The following PTGER4 variants were observed in gnomAD, a reference collection of about 807,000 sequenced individuals.
PTGER4 encodes the protein prostaglandin E receptor 4.
A neutral mutation model predicts 33.2 loss-of-function variants in PTGER4; 11 were observed. The ratio of observed to expected loss-of-function variants is 0.33; its 90% CI spans 0.21 to 0.55. PTGER4 has a LOEUF of 0.55. Ranked by LOEUF, PTGER4 falls within the 20% of genes least tolerant of loss-of-function variation. PTGER4 has a pLI of 0.92. For missense variants in PTGER4, 481 were observed against 650.2 expected, an observed-to-expected ratio of 0.74 and a Z score of 2.83; for synonymous variants, 275 against 281.5, an observed-to-expected ratio of 0.98 and a Z score of 0.23.
intron 2 of PTGER4, among the ~76,000 whole-genome samples, chr5:40,686,018 A>C (rs766315893): frequency 2.6e-5 from 4 of 152,208 alleles, no homozygotes; most frequent in Non-Finnish European, 5.9e-5. Flanking sequence ...GCCTTCTACA[A>C]ATGGCCAGAA....
the PTGER4 span, among the ~76,000 whole-genome samples, chr5:40,739,133 C>T: frequency 6.6e-6 from 1 of 152,112 alleles, no homozygotes; most frequent in Admixed American, 6.6e-5. Flanking sequence ...TACACTAGTA[C>T]TATAAAGGTA....
rs776057291 is a variant in PTGER4 at position 40,691,781 on chromosome 5, G to A, written c.870G>A (p.Val290=). Residue 290 remains valine, a splice_region_variant and synonymous_variant, in exon 3 of 3, where the codon GTG becomes GTA. Transcript: ENST00000302472. This position sits in a 1 kb window ranked among gnomAD's most constrained non-coding sequence, Gnocchi z 4.2. The stretch of plus-strand genomic sequence containing the variant: ...AATGTGCGATCTCACTTATGCAGGT[G>A]CGAGTATTCGTCAACCAGTTATATC... ...VVLICSIPLV[V]RVFVNQLYQP... 6.2e-7 allele frequency: 1 copy of A among 1,612,226 alleles called. No individual in the cohort carries two copies. Among genetic ancestry groups the A allele is most frequent in the Admixed American group, 1.7e-5 (1 of 59,794 alleles).
chr5:40,728,503 C>G, the PTGER4 span: 1 of 1,570,126 alleles, frequency 6.4e-7, no homozygotes, highest in Non-Finnish European at 8.6e-7. Context: ...ACCAAAAAAT[C>G]TGTCAGTAAT....
the PTGER4 span, among the ~76,000 whole-genome samples, chr5:40,709,296 A>C: frequency 1.3e-5 from 2 of 152,132 alleles, no homozygotes; most frequent in Admixed American, 6.6e-5. Flanking sequence ...ATCGTCTCAG[A>C]TCAAAATCTC....
chr5:40,741,400 T>C, the PTGER4 span, among the ~76,000 whole-genome samples: 3 of 152,214 alleles, frequency 2.0e-5, no homozygotes, highest in African/African-American at 7.2e-5. Context: ...CTCCGCTCTG[T>C]ATGAACGCTA....
chr5:40,680,355 A>C lies in PTGER4; in HGVS notation c.-167A>C, dbSNP rs1372900638. On this transcript the variant is annotated 5_prime_UTR_variant, in exon 1 of 3. Transcript: ENST00000302472. This position sits in a 1 kb window ranked among gnomAD's most constrained non-coding sequence, Gnocchi z 5.5. ...ACAGCCACTGAGACCGGCTTTGAGAAGCCGAAGATTTGGCAGTTTCCAGAC... is the reference window on the plus strand; with the variant it reads ...ACAGCCACTGAGACCGGCTTTGAGACGCCGAAGATTTGGCAGTTTCCAGAC... The C allele has an allele frequency of 6.6e-6, 1 of 152,572 alleles. No individual in the cohort carries two copies. The highest frequency in any genetic ancestry group is 1.5e-5 in the Non-Finnish European group (1 of 68,196). The allele number at this position is 152,572 out of a possible 1,614,324, so 9.5% of individuals were successfully genotyped here.
At position 40,693,058 on chromosome 5, in the gene PTGER4, G is replaced by A; in HGVS notation, c.*680G>A. 1.1e-6 allele frequency: 1 copy of A among 912,368 alleles called. No individual in the cohort carries two copies. The highest frequency in any genetic ancestry group is 5.6e-4 in the Middle Eastern group (1 of 1,774). 56.5% of individuals were successfully genotyped at this position (912,368 alleles called of 1,614,324 possible). Reference sequence around the variant, plus strand: ...AGAAAGAATTTAGTATTATCAAAGGGATAAAGAAAAAAATACTATTTAAGA... The same window carrying A: ...AGAAAGAATTTAGTATTATCAAAGGAATAAAGAAAAAAATACTATTTAAGA... On this transcript the variant is annotated 3_prime_UTR_variant, in exon 3 of 3. Transcript: ENST00000302472.
intron 2 of PTGER4, among the ~76,000 whole-genome samples, chr5:40,684,133 CCCA>C (rs1741270594): frequency 8.0e-6 from 1 of 124,914 alleles, no homozygotes; most frequent in Non-Finnish European, 1.6e-5. Flanking sequence ...CACCCCCCCC[CCCA>C]CAATTCAGCA....
At chr5:40,699,012 C>G in the PTGER4 span, among the ~76,000 whole-genome samples, 4 of 152,068 alleles carry the variant, frequency 2.6e-5, no homozygotes, top group East Asian at 1.9e-4. Flanking sequence ...CCATGGCCAC[C>G]CATGATGTAT....
At chr5:40,717,330 A>G in the PTGER4 span, among the ~76,000 whole-genome samples, 2 of 152,196 alleles carry the variant, frequency 1.3e-5, no homozygotes, top group Non-Finnish European at 2.9e-5. Flanking sequence ...ATTTTAGAGA[A>G]GCACAGAAAG....
chr5:40,697,094 GAGA>G (rs757629252), downstream of PTGER4, among the ~76,000 whole-genome samples: 8,537 of 67,756 alleles, frequency 0.13, 505 homozygotes, highest in Non-Finnish European at 0.16. Context: ...AGGAAAGAAA[GAGA>G]AAAGAAAGAA....
At chr5:40,697,298 A>AAAG (rs1561134578), downstream of PTGER4, among the ~76,000 whole-genome samples, 5 of 138,692 alleles carry the variant, frequency 3.6e-5, no homozygotes, top group South Asian at 1.1e-3. Context: ...AAGAAAGAAA[A>AAAG]AGAAAGGCCA....
the PTGER4 span, among the ~76,000 whole-genome samples, chr5:40,732,415 G>A: frequency 6.6e-6 from 1 of 151,714 alleles, no homozygotes; most frequent in Admixed American, 6.6e-5. Flanking sequence ...AGGATTTAAA[G>A]CTAGCTCTTA....
chr5:40,710,528 G>A, the PTGER4 span, among the ~76,000 whole-genome samples: 3 of 152,042 alleles, frequency 2.0e-5, no homozygotes, highest in Admixed American at 6.6e-5. Context: ...GCAATTCCTC[G>A]GGGATCTAGA....
chr5:40,697,270 G>GA (rs1017834480), downstream of PTGER4, among the ~76,000 whole-genome samples: 2 of 123,232 alleles, frequency 1.6e-5, no homozygotes, highest in Non-Finnish European at 3.7e-5. Flanking sequence ...AAGAAAGAAA[G>GA]AAAGAAAGAA....
At position 40,691,960 on chromosome 5, in the gene PTGER4, G is replaced by T; in HGVS notation, c.1049G>T (p.Arg350Leu). The T allele has an allele frequency of 1.2e-6, 2 of 1,614,168 alleles. No individual in the cohort carries two copies. The highest frequency in any genetic ancestry group is 1.3e-5 in the African/African-American group (1 of 75,068). Residue 350 changes from arginine to leucine, a missense_variant, in exon 3 of 3, where the codon CGC (arginine) becomes CTC (leucine). Arg to Leu is a moderately radical substitution (Grantham distance 102). Coordinates refer to ENST00000302472, the MANE Select transcript of PTGER4 (RefSeq NM_000958.3). The surrounding 1 kb of genome is among the most constrained non-coding windows in gnomAD (Gnocchi z 4.2). ...AIEKIKCLFCRIGGSRRERSG... is the reference protein window; with the variant it reads ...AIEKIKCLFCLIGGSRRERSG... ...GAGAAGATCAAATGCCTCTTCTGCC[G>T]CATTGGCGGGTCCCGCAGGGAGCGC... is the stretch of plus-strand genomic sequence containing the variant.
At chr5:40,743,730 C>T in the PTGER4 span, among the ~76,000 whole-genome samples, 116 of 152,124 alleles carry the variant, frequency 7.6e-4, no homozygotes, top group African/African-American at 2.5e-3. Context: ...GCCAAGATCG[C>T]GCCACTGCAC....
chr5:40,736,643 T>A, the PTGER4 span, among the ~76,000 whole-genome samples: 6 of 152,150 alleles, frequency 3.9e-5, no homozygotes, highest in Non-Finnish European at 1.5e-5. Context: ...CAAGAACATA[T>A]AAAATCCTAA....
At chr5:40,715,850 T>G in the PTGER4 span, 6 of 270,606 alleles carry the variant, frequency 2.2e-5, no homozygotes, top group African/African-American at 1.3e-4. Context: ...AAGAATACAT[T>G]TTTCAAGTTT....
Sources: gnomAD v4.1 joint callset for allele counts (sites outside exome capture counted in the v4.1 genomes callset) on GRCh38, gnomAD v4.1.1 for gene constraint, Gnocchi (gnomAD v3.1) non-coding constraint, MANE v1.5 for transcripts, NCBI Gene and HGNC (gene_info 2026-07-23, HGNC 2026-07-21) for gene names.